The following CSMD1 variants were observed in gnomAD, a reference collection of about 807,000 sequenced individuals.
CSMD1 encodes CUB and Sushi multiple domains 1.
A neutral mutation model predicts 417.5 loss-of-function variants in CSMD1; 213 were observed. The observed-to-expected ratio is 0.51, with a 90% CI of 0.46 to 0.57. The LOEUF is 0.57. Ranked by LOEUF, CSMD1 falls within the 20% of genes least tolerant of loss-of-function variation. CSMD1 has a pLI of 0.00. For missense variants in CSMD1, 6,923 were observed against 4,529.7 expected (o/e 1.53, Z -15.17); for synonymous variants, 2,862 against 1,736.8 (o/e 1.65, Z -16.11).
intron 1 of CSMD1, among the ~76,000 whole-genome samples, chr8:4,948,543 A>C (rs929086949): frequency 3.9e-5 from 6 of 152,116 alleles, no homozygotes; most frequent in African/African-American, 1.4e-4. Flanking sequence ...TGGTTTTGTA[A>C]ATCTGCTAGA....
At chr8:4,102,866 G>T (rs1484152915) in intron 3 of CSMD1, among the ~76,000 whole-genome samples, 2 of 152,176 alleles carry the variant, frequency 1.3e-5, no homozygotes, top group African/African-American at 4.8e-5. Context: ...CTGAGAACCA[G>T]CGCCCTTACC....
At chr8:4,089,717 ATTATT>A (rs2130843113) in intron 3 of CSMD1, among the ~76,000 whole-genome samples, 1 of 152,288 alleles carries the variant, frequency 6.6e-6, no homozygotes, top group East Asian at 1.9e-4. Flanking sequence ...CTAGCTCAAG[ATTATT>A]TTAATTATTA....
chr8:3,046,582 A>G (rs1811461172), intron 50 of CSMD1, among the ~76,000 whole-genome samples: 1 of 152,150 alleles, frequency 6.6e-6, no homozygotes, highest in African/African-American at 2.4e-5. Context: ...GCTGGAATGG[A>G]CAGAGCCTTG....
intron 30 of CSMD1, among the ~76,000 whole-genome samples, chr8:3,206,463 G>T (rs1377089870): frequency 2.7e-5 from 2 of 73,814 alleles, no homozygotes; most frequent in Non-Finnish European, 2.7e-5. Context: ...GTGTGTGTGG[G>T]GGGGTTATGT....
chr8:3,255,288 T>C (rs565867544), intron 26 of CSMD1, among the ~76,000 whole-genome samples: 2 of 152,082 alleles, frequency 1.3e-5, no homozygotes, highest in Non-Finnish European at 1.5e-5. Flanking sequence ...TACTGGGGGA[T>C]GCATCCCAGT....
At chr8:3,885,902 G>C (rs1254866945) in intron 5 of CSMD1, among the ~76,000 whole-genome samples, 1 of 152,072 alleles carries the variant, frequency 6.6e-6, no homozygotes, top group Non-Finnish European at 1.5e-5. Context: ...AGTAAAGTTT[G>C]TTGTTAATCT....
At chr8:4,104,786 C>T (rs1304973964) in intron 3 of CSMD1, among the ~76,000 whole-genome samples, 1 of 152,182 alleles carries the variant, frequency 6.6e-6, no homozygotes, top group Non-Finnish European at 1.5e-5. Flanking sequence ...GAACTGCTGG[C>T]TATTTGCTGA....
chr8:4,516,863 A>T (rs1300609760), intron 2 of CSMD1, among the ~76,000 whole-genome samples: 1 of 151,968 alleles, frequency 6.6e-6, no homozygotes, highest in Non-Finnish European at 1.5e-5. Context: ...TTTTTTCTTT[A>T]TACTAGCTCT....
chr8:3,279,734 G>A (rs1225562509), intron 26 of CSMD1, among the ~76,000 whole-genome samples: 1 of 152,092 alleles, frequency 6.6e-6, no homozygotes, highest in African/African-American at 2.4e-5. Flanking sequence ...AGGTGAAGGG[G>A]AAGCAAAGCA....
chr8:4,031,131 C>G (rs1292788458), intron 4 of CSMD1, among the ~76,000 whole-genome samples: 1 of 152,208 alleles, frequency 6.6e-6, no homozygotes, highest in East Asian at 1.9e-4. Context: ...CCAAACTGTT[C>G]TAAACTCTGC....
chr8:3,485,978 A>G (rs889100652), intron 11 of CSMD1, among the ~76,000 whole-genome samples: 3 of 152,100 alleles, frequency 2.0e-5, no homozygotes, highest in African/African-American at 4.8e-5. Context: ...CAGGGGTTCA[A>G]TGAGCGATTA....
intron 3 of CSMD1, among the ~76,000 whole-genome samples, chr8:4,089,645 G>A (rs764871769): frequency 6.6e-6 from 1 of 152,196 alleles, no homozygotes; most frequent in African/African-American, 2.4e-5. Context: ...AATAAGTGAA[G>A]AAATATGTGT....
intron 2 of CSMD1, among the ~76,000 whole-genome samples, chr8:4,531,120 G>C (rs73182925): frequency 6.6e-6 from 1 of 152,072 alleles, no homozygotes; most frequent in East Asian, 1.9e-4. Flanking sequence ...GTAGAATACA[G>C]ATATGTAACT....
chr8:4,169,759 T>G (rs1388604752), intron 3 of CSMD1, among the ~76,000 whole-genome samples: 1 of 152,150 alleles, frequency 6.6e-6, no homozygotes, highest in South Asian at 2.1e-4. Context: ...CCTTGAGGAC[T>G]ATTCATGGGA....
At chr8:4,152,345 G>A (rs533598568) in intron 3 of CSMD1, among the ~76,000 whole-genome samples, 1 of 152,040 alleles carries the variant, frequency 6.6e-6, no homozygotes, top group African/African-American at 2.4e-5. Flanking sequence ...AAATCAGGTA[G>A]ACACGTAAGC....
chr8:4,581,907 C>T (rs1443001599), intron 2 of CSMD1, among the ~76,000 whole-genome samples: 1 of 152,128 alleles, frequency 6.6e-6, no homozygotes, highest in Non-Finnish European at 1.5e-5. Context: ...CATCCACCAT[C>T]AACTTGAGTC....
chr8:4,880,505 A>G lies in CSMD1; in HGVS notation c.85+113827T>C, dbSNP rs186228478. On this transcript the variant is annotated intron_variant, in intron 1 of 69. Transcript: ENST00000635120. The stretch of plus-strand genomic sequence containing the variant: ...GTGTAGCCCATGAATTCTGTCATAC[A>G]GAACCACTCCCTTTAAATGTCACCT... 4.8e-4 allele frequency among the ~76,000 whole-genome samples: 73 copies of G among 152,214 alleles called. 1 individual carries two copies. Among genetic ancestry groups the G allele is most frequent in the African/African-American group, 1.4e-3 (60 of 41,484 alleles).
chr8:4,785,612 G>A (rs541012124), intron 1 of CSMD1, among the ~76,000 whole-genome samples: 24 of 152,084 alleles, frequency 1.6e-4, no homozygotes, highest in African/African-American at 5.8e-4. Flanking sequence ...GGGGCTCTGA[G>A]AACCTCAGCT....
At chr8:4,186,525 G>A (rs893897044) in intron 3 of CSMD1, among the ~76,000 whole-genome samples, 3 of 152,078 alleles carry the variant, frequency 2.0e-5, no homozygotes, top group Non-Finnish European at 4.4e-5. Flanking sequence ...TTTGAAAACT[G>A]GTGACTTCAC....
Sources: allele counts gnomAD v4.1 joint callset (sites outside exome capture counted in the v4.1 genomes callset), GRCh38; gene constraint gnomAD v4.1.1; transcripts MANE v1.5; gene names NCBI Gene and HGNC (gene_info 2026-07-23, HGNC 2026-07-21).